KCTD16: variants seen among roughly 807,000 people sequenced by gnomAD.
The protein encoded by KCTD16 is BTB/POZ domain-containing protein KCTD16.
Under a neutral mutation model 33.2 loss-of-function variants are expected in KCTD16, and 13 were observed. The observed-to-expected ratio is 0.39, with a 90% CI of 0.25 to 0.62. The LOEUF (loss-of-function observed/expected upper bound fraction) is 0.62. Among genes scored for constraint, KCTD16 ranks in the 20% least tolerant of loss-of-function variants. KCTD16 has a pLI of 0.50. For missense variants in KCTD16, 441 were observed against 525.1 expected (o/e 0.84, Z 1.57); for synonymous variants, 197 against 195.3 (o/e 1.01, Z -0.07).
chr5:144,391,467 T>G (rs1056201552), intron 3 of KCTD16, among the ~76,000 whole-genome samples: 3 of 152,224 alleles, frequency 2.0e-5, no homozygotes, highest in Non-Finnish European at 4.4e-5. Context: ...ATAATTTTCC[T>G]TTCATTAACA....
At chr5:144,264,675 A>G (rs948492622) in intron 3 of KCTD16, among the ~76,000 whole-genome samples, 3 of 152,134 alleles carry the variant, frequency 2.0e-5, no homozygotes, top group African/African-American at 7.2e-5. Flanking sequence ...CAGGAGGCTG[A>G]GATGGGAGGA....
rs114606644 is a variant in KCTD16, at chr5:144,297,448, T to C, written c.832+89902T>C. ...CTACAAGGCCGGATATCTCTCCTTA[T>C]AGTCCCAAGTTGGCTACAGAGGTTC... is the stretch of plus-strand genomic sequence containing the variant. On this transcript the variant is annotated intron_variant, in intron 3 of 3. Transcript: ENST00000512467. 9.8e-3 allele frequency among the ~76,000 whole-genome samples: 1,496 copies of C among 152,342 alleles called. 22 individuals carry two copies. The highest frequency in any genetic ancestry group is 0.034 in the African/African-American group (1,406 of 41,576).
chr5:144,467,289 T>C (rs1754368906), intron 3 of KCTD16, among the ~76,000 whole-genome samples: 1 of 151,756 alleles, frequency 6.6e-6, no homozygotes, highest in Non-Finnish European at 1.5e-5. Flanking sequence ...TCAATCCATT[T>C]TTCTTTTTGG....
At chr5:144,342,782 G>A (rs1752681194) in intron 3 of KCTD16, among the ~76,000 whole-genome samples, 1 of 152,144 alleles carries the variant, frequency 6.6e-6, no homozygotes, top group African/African-American at 2.4e-5. Context: ...AGAGTTTTTA[G>A]CATGAAGGGC....
chr5:144,399,305 C>A (rs1752649077), intron 3 of KCTD16, among the ~76,000 whole-genome samples: 1 of 152,032 alleles, frequency 6.6e-6, no homozygotes, highest in African/African-American at 2.4e-5. Flanking sequence ...AGCAGCCTAC[C>A]ATTAACTAAT....
intron 3 of KCTD16, among the ~76,000 whole-genome samples, chr5:144,232,065 C>T (rs142340994): frequency 3.9e-5 from 6 of 152,228 alleles, no homozygotes; most frequent in Admixed American, 3.3e-4. Context: ...CTATAATATA[C>T]CTTTGCCCCC....
chr5:144,178,373 ATTTT>A (rs1167751648), intron 2 of KCTD16, among the ~76,000 whole-genome samples: 1 of 152,160 alleles, frequency 6.6e-6, no homozygotes, highest in African/African-American at 2.4e-5. Context: ...CTTAGATATG[ATTTT>A]TTGTTATTAA....
chr5:144,291,022 A>G (rs769072106), intron 3 of KCTD16, among the ~76,000 whole-genome samples: 18 of 152,230 alleles, frequency 1.2e-4, no homozygotes, highest in Non-Finnish European at 2.6e-4. Context: ...AGAGAAAGAG[A>G]ATGGTGACCA....
rs1754762780 is a variant in KCTD16 at position 144,484,472 on chromosome 5, A to G, written c.*10358A>G. Reference sequence around the variant, plus strand: ...AAAACCAGAGCACTGGGTCGAACCTAACCCACAAAATAATTCGTCCAAATT... The same window carrying G: ...AAAACCAGAGCACTGGGTCGAACCTGACCCACAAAATAATTCGTCCAAATT... On this transcript the variant is annotated 3_prime_UTR_variant, in exon 4 of 4. Coordinates refer to ENST00000512467, the MANE Select transcript of KCTD16 (RefSeq NM_020768.4). The G allele has an allele frequency of 6.6e-6, 1 of 151,904 alleles. No homozygotes were observed. The allele number at this position is 151,904 out of a possible 1,614,324, so 9.4% of individuals were successfully genotyped here. A position where few individuals can be genotyped will look rare whatever the true frequency, so the allele number is the denominator to read the frequency against.
intron 2 of KCTD16, among the ~76,000 whole-genome samples, chr5:144,178,047 A>G (rs910820930): frequency 6.6e-6 from 1 of 152,184 alleles, no homozygotes; most frequent in Non-Finnish European, 1.5e-5. Flanking sequence ...CTAGTTTAAC[A>G]CTTGTCCCAA....
intron 3 of KCTD16, among the ~76,000 whole-genome samples, chr5:144,226,339 C>T (rs933452684): frequency 1.3e-5 from 2 of 152,188 alleles, no homozygotes; most frequent in Non-Finnish European, 1.5e-5. Context: ...AGACTCCAGT[C>T]AAGTCTGTCT....
intron 3 of KCTD16, among the ~76,000 whole-genome samples, chr5:144,386,132 G>A (rs1372045470): frequency 2.6e-5 from 4 of 152,126 alleles, no homozygotes; most frequent in East Asian, 1.9e-4. Context: ...ACTAAGTTAA[G>A]AGCAAGGCAA....
intron 3 of KCTD16, among the ~76,000 whole-genome samples, chr5:144,211,862 A>G (rs1753406477): frequency 1.3e-5 from 2 of 152,204 alleles, no homozygotes; most frequent in African/African-American, 2.4e-5. Context: ...GTCTCACCTT[A>G]GCTGCTCCTC....
intron 3 of KCTD16, among the ~76,000 whole-genome samples, chr5:144,219,048 G>A (rs1360870991): frequency 6.6e-6 from 1 of 152,134 alleles, no homozygotes; most frequent in African/African-American, 2.4e-5. Flanking sequence ...ACTTGGGCAA[G>A]TGTCTTTTCT....
chr5:144,431,264 GTTC>G (rs575277525), intron 3 of KCTD16, among the ~76,000 whole-genome samples: 8 of 152,202 alleles, frequency 5.3e-5, no homozygotes, highest in Non-Finnish European at 8.8e-5. Context: ...ATCAGGAATT[GTTC>G]TTCTTTTTTA....
chr5:144,427,920 A>G (rs577251146), intron 3 of KCTD16, among the ~76,000 whole-genome samples: 1 of 152,276 alleles, frequency 6.6e-6, no homozygotes, highest in Admixed American at 6.5e-5. Context: ...TAGTTCATTT[A>G]TCAGTAAAAT....
At chr5:144,215,130 A>G (rs1753520750) in intron 3 of KCTD16, among the ~76,000 whole-genome samples, 1 of 152,162 alleles carries the variant, frequency 6.6e-6, no homozygotes, top group African/African-American at 2.4e-5. Flanking sequence ...TTTACATACT[A>G]GTTGGATTTC....
chr5:144,425,295 G>A (rs1753301179), intron 3 of KCTD16, among the ~76,000 whole-genome samples: 1 of 152,046 alleles, frequency 6.6e-6, no homozygotes, highest in Non-Finnish European at 1.5e-5. Context: ...TCCATGTCCT[G>A]TTTCCTGGGG....
At chr5:144,228,220 AG>A in intron 3 of KCTD16, among the ~76,000 whole-genome samples, 1 of 152,312 alleles carries the variant, frequency 6.6e-6, no homozygotes, top group South Asian at 2.1e-4. Context: ...TGGGAGTTGA[AG>A]AGGAACCTAC....
Sources: gnomAD v4.1 joint callset for allele counts (sites outside exome capture counted in the v4.1 genomes callset) on GRCh38, gnomAD v4.1.1 for gene constraint, MANE v1.5 for transcripts, NCBI Gene and HGNC (gene_info 2026-07-23, HGNC 2026-07-21) for gene names.